The following ADGRD1 variants were observed in gnomAD, a reference collection of about 807,000 sequenced individuals.
The protein encoded by ADGRD1 is adhesion G protein-coupled receptor D1.
Under a neutral mutation model 113.4 loss-of-function variants are expected in ADGRD1, and 77 were observed. The observed-to-expected ratio is 0.68, with a 90% CI of 0.57 to 0.82. ADGRD1 has a LOEUF of 0.82. Ranked by LOEUF, ADGRD1 falls within the 40% of genes least tolerant of loss-of-function variation. The pLI is 0.00. For synonymous variants in ADGRD1, 474 were observed against 475.0 expected (o/e 1.00, Z 0.03); for missense variants, 1,036 against 1,139.1 (o/e 0.91, Z 1.30).
chr12:131,074,633 C>T (rs1593167086), intron 13 of ADGRD1, among the ~76,000 whole-genome samples: 2 of 152,226 alleles, frequency 1.3e-5, no homozygotes, highest in Admixed American at 1.3e-4. Flanking sequence ...ACCCACCCCA[C>T]GTCACACCCC....
chr12:130,995,307 C>T (rs1309419343), intron 8 of ADGRD1, among the ~76,000 whole-genome samples: 1 of 152,140 alleles, frequency 6.6e-6, no homozygotes, highest in African/African-American at 2.4e-5. Context: ...ATGGCGTATG[C>T]GCAGTGAGGT....
rs146055067 is a variant in ADGRD1 at position 131,003,229 on chromosome 12, C to T, written c.1071C>T (p.Val357=). ...GTCTCATCGACACTATTGACACCGT[C>T]ATGGGCCATGTATCCTCCAACCTGC... is the stretch of plus-strand genomic sequence containing the variant. The part of the protein sequence containing the change: ...VLSLIDTIDT[V]MGHVSSNLHG... Residue 357 remains valine, a synonymous_variant, in exon 10 of 25, where the codon GTC becomes GTT. Transcript: ENST00000261654. The surrounding 1 kb of genome is among the most constrained non-coding windows in gnomAD (Gnocchi z 4.8). 12 of 1,614,004 alleles carry T rather than the reference C, an allele frequency of 7.4e-6. No individual in the cohort carries two copies. The African/African-American group carries it at 9.3e-5, about 13-fold the overall frequency.
chr12:130,994,261 G>A (rs910236386), intron 8 of ADGRD1: 2 of 453,276 alleles, frequency 4.4e-6, no homozygotes, highest in Non-Finnish European at 8.9e-6. Flanking sequence ...ACAGGGCTTG[G>A]TATGCAGTAA....
chr12:131,048,132 C>G (rs1050998999), intron 13 of ADGRD1, among the ~76,000 whole-genome samples: 1 of 152,346 alleles, frequency 6.6e-6, no homozygotes, highest in Non-Finnish European at 1.5e-5. Flanking sequence ...AGATGCTTGT[C>G]GGTCACAGAG....
intron 20 of ADGRD1, among the ~76,000 whole-genome samples, chr12:131,126,547 C>T (rs949380788): frequency 6.6e-6 from 1 of 152,174 alleles, no homozygotes; most frequent in Non-Finnish European, 1.5e-5. Context: ...TGGTGTCCAG[C>T]TCAGTGTTTA....
chr12:131,104,753 C>A, intron 15 of ADGRD1, 78 bp from the exon 16 acceptor site: 1 of 959,324 alleles, frequency 1.0e-6, no homozygotes, highest in Non-Finnish European at 1.6e-6. Flanking sequence ...GCTGTGCACC[C>A]ACCTGGGCCC....
intron 20 of ADGRD1, 137 bp downstream of exon 20, chr12:131,121,050 T>C (rs1421437307): frequency 2.7e-6 from 2 of 732,302 alleles, no homozygotes; most frequent in African/African-American, 3.5e-5. Context: ...CACTCCTCGC[T>C]AGGGCTCCTC....
intron 20 of ADGRD1, among the ~76,000 whole-genome samples, chr12:131,130,300 C>T (rs1036737663): frequency 1.3e-4 from 20 of 152,204 alleles, no homozygotes; most frequent in African/African-American, 4.8e-4. Flanking sequence ...CGACTGTCAG[C>T]TGAGCTGGGC....
chr12:130,967,124 G>A (rs1003926132), intron 3 of ADGRD1: 1 of 426,772 alleles, frequency 2.3e-6, no homozygotes, highest in Non-Finnish European at 4.9e-6. Context: ...CACAGCAGGG[G>A]CCTATTGATG....
In ADGRD1 at chr12:131,099,289, C is replaced by A. The variant is rs543929592; in HGVS notation, c.1672-5542C>A. On this transcript the variant is annotated intron_variant, in intron 15 of 24. Transcript: ENST00000261654. ...AACGCCCACTCAGTATTTCTCTCCC[C>A]CTCCTTCAGATCACCCTCCCTCCCT... 1.9e-4 allele frequency among the ~76,000 whole-genome samples: 29 copies of A among 152,338 alleles called. No homozygotes were observed. In the South Asian group the frequency reaches 5.8e-3, roughly 30 times the overall value.
At chr12:131,054,721 G>C (rs939138729) in intron 13 of ADGRD1, among the ~76,000 whole-genome samples, 1 of 152,220 alleles carries the variant, frequency 6.6e-6, no homozygotes, top group African/African-American at 2.4e-5. Context: ...TCCGGTCACT[G>C]GTCTTGGATA....
intron 13 of ADGRD1, among the ~76,000 whole-genome samples, chr12:131,016,554 G>A (rs1163394779): frequency 1.3e-5 from 2 of 152,254 alleles, no homozygotes; most frequent in Non-Finnish European, 1.5e-5. Flanking sequence ...GAGCTTCTGG[G>A]CTTGAGGGTA....
chr12:130,991,940 G>A (rs1874448031), intron 7 of ADGRD1, among the ~76,000 whole-genome samples: 1 of 152,106 alleles, frequency 6.6e-6, no homozygotes, highest in Admixed American at 6.5e-5. Context: ...GGCCAACACA[G>A]TGAAACCCTG....
At chr12:130,969,854 C>T (rs2136525126) in intron 3 of ADGRD1, 1 of 152,240 alleles carries the variant, frequency 6.6e-6, no homozygotes, top group Admixed American at 6.5e-5. Flanking sequence ...AAGCCAGCTG[C>T]TTGTTTTCAG....
chr12:131,137,867 C>T, intron 23 of ADGRD1: 1 of 215,986 alleles, frequency 4.6e-6, no homozygotes, highest in African/African-American at 2.4e-5. Flanking sequence ...GCTTCTCTCT[C>T]ACACTCACCC....
rs888604931 is a variant in ADGRD1 at position 130,984,337 on chromosome 12, T to G, written c.490+2274T>G. The stretch of plus-strand genomic sequence containing the variant: ...CCACCTCGTGATGGGGCAGCCGCCC[T>G]TCCACGCACTGCAGTCAGCACAGAA... On this transcript the variant is annotated intron_variant, in intron 5 of 24. Transcript: ENST00000261654. The surrounding 1 kb of genome is among the most constrained non-coding windows in gnomAD (Gnocchi z 4.1). Among the ~76,000 whole-genome samples, 10 of 152,190 alleles carry G rather than the reference T, an allele frequency of 6.6e-5. No individual in the cohort carries two copies. Among genetic ancestry groups the G allele is most frequent in the African/African-American group, 2.4e-4 (10 of 41,448 alleles).
At position 131,003,261 on chromosome 12, in the gene ADGRD1, G is replaced by A. The variant is rs762399199; in HGVS notation, c.1103G>A (p.Ser368Asn). Residue 368 changes from serine (S) to asparagine (N), a missense_variant, in exon 10 of 25, where the codon AGC becomes AAC. Physicochemically the swap from Ser to Asn is conservative, Grantham distance 46. Transcript: ENST00000261654. This position sits in a 1 kb window ranked among gnomAD's most constrained non-coding sequence, Gnocchi z 4.8. ...CATGTATCCTCCAACCTGCACGGCA[G>A]CACGCCCCAGGTCACCGTGGAGGGC... is the stretch of plus-strand genomic sequence containing the variant. ...MGHVSSNLHG[S>N]TPQVTVEGSS... 1 of 1,614,004 alleles carries A rather than the reference G, an allele frequency of 6.2e-7. No homozygotes were observed. The highest frequency in any genetic ancestry group is 8.5e-7 in the Non-Finnish European group (1 of 1,179,944).
intron 20 of ADGRD1, among the ~76,000 whole-genome samples, chr12:131,130,754 C>T (rs935695435): frequency 2.1e-4 from 31 of 149,966 alleles, no homozygotes; most frequent in Non-Finnish European, 3.4e-4. Flanking sequence ...CCATCCCGTG[C>T]GGGGGGAGAG....
rs766209925 is a variant in ADGRD1, at chr12:131,108,745, G to C, written c.1909G>C (p.Val637Leu). 1.2e-6 allele frequency: 2 copies of C among 1,613,978 alleles called. No individual in the cohort carries two copies. The highest frequency in any genetic ancestry group is 1.1e-5 in the South Asian group (1 of 91,082). The change falls in exon 18 of 25, where the codon GTG (valine) becomes CTG (leucine). Residue 637 changes from valine to leucine, a missense_variant. Coordinates refer to ENST00000261654, the MANE Select transcript of ADGRD1 (RefSeq NM_198827.5). ...PGTTPCQVMA[V>L]LLHYFFLSAF... Reference sequence around the variant, plus strand: ...CTAGACCCCCTGCCAAGTGATGGCCGTGCTCCTACACTACTTCTTCCTGAG... The same window carrying C: ...CTAGACCCCCTGCCAAGTGATGGCCCTGCTCCTACACTACTTCTTCCTGAG...
Sources: gnomAD v4.1 joint callset for allele counts (sites outside exome capture counted in the v4.1 genomes callset) on GRCh38, gnomAD v4.1.1 for gene constraint, Gnocchi (gnomAD v3.1) non-coding constraint, MANE v1.5 for transcripts, NCBI Gene and HGNC (gene_info 2026-07-23, HGNC 2026-07-21) for gene names.